Variants in SLC12A6 observed in about 807,000 individuals in gnomAD.
SLC12A6 encodes the protein solute carrier family 12 member 6.
SLC12A6 carries 66 observed loss-of-function variants against 135.3 expected under a neutral mutation model. The ratio of observed to expected loss-of-function variants is 0.49; its 90% CI spans 0.40 to 0.60. The LOEUF is 0.60. Ranked by LOEUF, SLC12A6 falls within the 20% of genes least tolerant of loss-of-function variation. The probability of loss-of-function intolerance (pLI) is 0.00; values close to 1 mark genes in which losing one functional copy is unlikely to be tolerated. For synonymous variants in SLC12A6, 513 were observed against 508.8 expected, an observed-to-expected ratio of 1.01 and a Z score of -0.11; for missense variants, 1,058 against 1,452.3, an observed-to-expected ratio of 0.73 and a Z score of 4.41.
At chr15:34,251,981 G>T (rs1324860135) in intron 10 of SLC12A6, among the ~76,000 whole-genome samples, 189 bp downstream of exon 10, 2 of 152,198 alleles carry the variant, frequency 1.3e-5, no homozygotes. Context: ...CTGTAAAGGA[G>T]TACTGAATAA....
At chr15:34,294,449 G>T (rs1465143061) in intron 2 of SLC12A6, among the ~76,000 whole-genome samples, 1 of 152,162 alleles carries the variant, frequency 6.6e-6, no homozygotes, top group Admixed American at 6.5e-5. Context: ...TAGAGAGGGG[G>T]TTTCACCATG....
intron 2 of SLC12A6, among the ~76,000 whole-genome samples, chr15:34,300,311 A>G (rs1434316589): frequency 6.6e-6 from 1 of 152,150 alleles, no homozygotes; most frequent in Admixed American, 6.5e-5. Flanking sequence ...AGAATGGAGG[A>G]TTGAGGTCTT....
chr15:34,287,947 T>C (rs938206370), intron 2 of SLC12A6, among the ~76,000 whole-genome samples: 13 of 152,228 alleles, frequency 8.5e-5, no homozygotes, highest in African/African-American at 3.1e-4. Context: ...ACTCTGGTAA[T>C]AGTTTCTTTT....
chr15:34,325,063 T>A (rs115691314), intron 2 of SLC12A6, among the ~76,000 whole-genome samples: 2 of 152,132 alleles, frequency 1.3e-5, no homozygotes, highest in Non-Finnish European at 2.9e-5. Context: ...TCACAAATAA[T>A]AAACAGCTCA....
At chr15:34,259,214 C>A (rs1424877969) in intron 4 of SLC12A6, among the ~76,000 whole-genome samples, 1 of 152,106 alleles carries the variant, frequency 6.6e-6, no homozygotes, top group African/African-American at 2.4e-5. Flanking sequence ...GTGGCACGTG[C>A]CTGTAATCCC....
intron 2 of SLC12A6, among the ~76,000 whole-genome samples, chr15:34,299,852 G>A (rs1191259434): frequency 6.6e-6 from 1 of 152,072 alleles, no homozygotes. Context: ...AGACATTAGG[G>A]GGTTTTAAAT....
chr15:34,313,305 A>T (rs1391198288), intron 2 of SLC12A6, among the ~76,000 whole-genome samples: 2 of 152,230 alleles, frequency 1.3e-5, no homozygotes, highest in Admixed American at 1.3e-4. Flanking sequence ...AAAGCTAAAC[A>T]ACCTTATTGC....
intron 21 of SLC12A6, among the ~76,000 whole-genome samples, chr15:34,237,770 A>T (rs979645068): frequency 2.6e-5 from 4 of 152,206 alleles, no homozygotes; most frequent in Non-Finnish European, 5.9e-5. Flanking sequence ...CATAACAAGA[A>T]AACACTGGCA....
At chr15:34,254,656 G>T in intron 8 of SLC12A6, 67 bp from the exon 9 acceptor site, 1 of 1,239,710 alleles carries the variant, frequency 8.1e-7, no homozygotes, top group Non-Finnish European at 1.2e-6. Flanking sequence ...GGCTGTATTC[G>T]TTTGCATTTA....
rs76198709 is a variant in SLC12A6, at chr15:34,335,647, C to A, written c.271+763G>T. On this transcript the variant is annotated intron_variant, in intron 2 of 25. Coordinates refer to ENST00000354181, the MANE Select transcript of SLC12A6 (RefSeq NM_001365088.1). ...TCTCTTCCATCACCTCTTCCCAGTA[C>A]CTCAAATAAAACCAAGCCAGCTGAC... 5.3e-5 allele frequency among the ~76,000 whole-genome samples: 8 copies of A among 152,248 alleles called. No homozygotes were observed. In the East Asian group the frequency reaches 1.5e-3, roughly 29 times the overall value.
chr15:34,267,871 C>T (rs8038310), intron 3 of SLC12A6, among the ~76,000 whole-genome samples: 153 of 152,108 alleles, frequency 1.0e-3, no homozygotes, highest in African/African-American at 3.6e-3. Flanking sequence ...TTTTTGTTTA[C>T]GCTATTTACC....
chr15:34,268,346 T>A (rs1333655927), intron 3 of SLC12A6, among the ~76,000 whole-genome samples: 1 of 152,212 alleles, frequency 6.6e-6, no homozygotes, highest in African/African-American at 2.4e-5. Flanking sequence ...CTACATTTTA[T>A]GAGACCAATG....
Position 34,230,014 on chromosome 15 carries a change from C to CT in SLC12A6, c.*3866dup. The CT allele has an allele frequency of 1.7e-6, 1 of 574,060 alleles. No individual in the cohort carries two copies. Among genetic ancestry groups the CT allele is most frequent in the South Asian group, 2.3e-5 (1 of 43,648 alleles). 35.6% of individuals were successfully genotyped at this position (574,060 alleles called of 1,614,324 possible). A position where few individuals can be genotyped will look rare whatever the true frequency, so the allele number is the denominator to read the frequency against. The stretch of plus-strand genomic sequence containing the variant: ...CCAAGGCTGAAAATAATGTAGAAAA[C>CT]TTTATTTTTGTTTCCAGTACAGAGC... On this transcript the variant is annotated 3_prime_UTR_variant, in exon 26 of 26. Coordinates refer to ENST00000354181, the MANE Select transcript of SLC12A6 (RefSeq NM_001365088.1).
intron 8 of SLC12A6, 77 bp downstream of exon 8, chr15:34,255,185 A>G: frequency 8.4e-7 from 1 of 1,188,024 alleles, no homozygotes; most frequent in South Asian, 1.2e-5. Context: ...CTGATCTCTC[A>G]GAAGCTTTCA....
chr15:34,267,794 C>G (rs898011202), intron 3 of SLC12A6, among the ~76,000 whole-genome samples: 2 of 152,198 alleles, frequency 1.3e-5, no homozygotes, highest in East Asian at 3.8e-4. Context: ...TCCTTTCTCT[C>G]TGGCTGCTTT....
intron 2 of SLC12A6, among the ~76,000 whole-genome samples, chr15:34,282,671 G>A (rs1176466644): frequency 2.6e-5 from 4 of 152,174 alleles, no homozygotes; most frequent in Non-Finnish European, 5.9e-5. Context: ...GAGGATACTA[G>A]AGCCCAGAAG....
intron 2 of SLC12A6, among the ~76,000 whole-genome samples, chr15:34,329,045 C>G (rs964719935): frequency 2.8e-4 from 42 of 152,156 alleles, no homozygotes; most frequent in Admixed American, 2.4e-3. Flanking sequence ...CACATAATTC[C>G]TACACTATAG....
At chr15:34,282,849 A>G (rs968747242) in intron 2 of SLC12A6, among the ~76,000 whole-genome samples, 1 of 152,178 alleles carries the variant, frequency 6.6e-6, no homozygotes, top group Non-Finnish European at 1.5e-5. Context: ...TAATGACTCA[A>G]TTTTATGGGA....
chr15:34,298,456 CAG>C (rs1896022762), intron 2 of SLC12A6, among the ~76,000 whole-genome samples: 1 of 151,288 alleles, frequency 6.6e-6, no homozygotes, highest in Non-Finnish European at 1.5e-5. Context: ...GCCTAGGCGA[CAG>C]AGTGAGACTC....
Sources: allele counts gnomAD v4.1 joint callset (sites outside exome capture counted in the v4.1 genomes callset), GRCh38; gene constraint gnomAD v4.1.1; transcripts MANE v1.5; gene names NCBI Gene and HGNC (gene_info 2026-07-23, HGNC 2026-07-21).